GRID2: variants seen among roughly 807,000 people sequenced by gnomAD.
The protein encoded by GRID2 is glutamate receptor ionotropic, delta-2.
GRID2 carries 33 observed loss-of-function variants against 114.8 expected under a neutral mutation model. The ratio of observed to expected loss-of-function variants is 0.29; its 90% confidence interval spans 0.22 to 0.38. The LOEUF is 0.38. GRID2 is among the 10% of genes least tolerant of loss of function. The pLI, the probability that GRID2 is intolerant of heterozygous loss-of-function variation, is 1.00. For synonymous variants in GRID2, 505 were observed against 449.9 expected, an observed-to-expected ratio of 1.12 and a Z score of -1.55; for missense variants, 1,184 against 1,257.7, an observed-to-expected ratio of 0.94 and a Z score of 0.89.
At chr4:93,387,964 T>G (rs1764491284) in intron 8 of GRID2, among the ~76,000 whole-genome samples, 1 of 152,112 alleles carries the variant, frequency 6.6e-6, no homozygotes, top group Admixed American at 6.6e-5. Context: ...AATTATGTAT[T>G]TAATAAATGG....
chr4:92,805,954 A>C (rs1740389913), intron 2 of GRID2, among the ~76,000 whole-genome samples: 1 of 151,018 alleles, frequency 6.6e-6, no homozygotes, highest in Non-Finnish European at 1.5e-5. Context: ...CCCTACTATC[A>C]CCTTCCTGGC....
chr4:92,693,029 AAAAAG>A (rs1278125488), intron 2 of GRID2, among the ~76,000 whole-genome samples: 19 of 150,790 alleles, frequency 1.3e-4, no homozygotes, highest in Non-Finnish European at 2.5e-4. Context: ...TCAAAAAAAA[AAAAAG>A]AAAAGAAAAG....
At chr4:93,094,108 A>G (rs1731004957) in intron 3 of GRID2, among the ~76,000 whole-genome samples, 1 of 152,156 alleles carries the variant, frequency 6.6e-6, no homozygotes, top group African/African-American at 2.4e-5. Flanking sequence ...AGCGTTGAAG[A>G]ATGATTGTGT....
chr4:92,396,374 C>T (rs151145761), intron 1 of GRID2, among the ~76,000 whole-genome samples: 19 of 151,986 alleles, frequency 1.3e-4, no homozygotes, highest in African/African-American at 3.4e-4. Flanking sequence ...ATAAATTCAG[C>T]GAAACAAATG....
At chr4:92,456,501 G>A (rs543616177) in intron 1 of GRID2, among the ~76,000 whole-genome samples, 13 of 152,226 alleles carry the variant, frequency 8.5e-5, no homozygotes, top group African/African-American at 3.1e-4. Context: ...CAAACCTACA[G>A]TGTTGGTGTT....
chr4:92,591,144 A>C (rs1032655513), intron 2 of GRID2, among the ~76,000 whole-genome samples: 1 of 152,128 alleles, frequency 6.6e-6, no homozygotes, highest in South Asian at 2.1e-4. Flanking sequence ...TGATTAGGTC[A>C]TGAGGGCTCT....
At chr4:92,844,609 G>T (rs767252561) in intron 2 of GRID2, among the ~76,000 whole-genome samples, 7 of 150,572 alleles carry the variant, frequency 4.6e-5, no homozygotes, top group Non-Finnish European at 8.8e-5. Flanking sequence ...AGGATTGATT[G>T]TAGCCTTTCT....
chr4:93,344,151 G>A (rs145957068), intron 8 of GRID2, among the ~76,000 whole-genome samples: 22 of 152,134 alleles, frequency 1.4e-4, no homozygotes, highest in Admixed American at 1.4e-3. Flanking sequence ...ATAGGTAATA[G>A]GAAGGTTATA....
At chr4:93,090,264 C>G (rs1191217954) in intron 3 of GRID2, among the ~76,000 whole-genome samples, 1 of 152,076 alleles carries the variant, frequency 6.6e-6, no homozygotes, top group Non-Finnish European at 1.5e-5. Flanking sequence ...GGTCCTGGAC[C>G]CAGTCAGCTG....
chr4:92,982,819 A>G (rs1271216970), intron 2 of GRID2, among the ~76,000 whole-genome samples: 1 of 152,142 alleles, frequency 6.6e-6, no homozygotes, highest in East Asian at 1.9e-4. Context: ...GTTGCAGATT[A>G]TTTTAAGAAA....
At chr4:92,727,370 T>C (rs1736117604) in intron 2 of GRID2, among the ~76,000 whole-genome samples, 1 of 152,070 alleles carries the variant, frequency 6.6e-6, no homozygotes, top group East Asian at 1.9e-4. Flanking sequence ...AAAAGAATTC[T>C]CTAGGAATAG....
chr4:92,965,472 AAAAAAAAAAAAAAAAAAC>A (rs1462694402), intron 2 of GRID2, among the ~76,000 whole-genome samples: 7 of 55,148 alleles, frequency 1.3e-4, no homozygotes, highest in African/African-American at 1.8e-4. Context: ...AAAAAAAAAA[AAAAAAAAAAAAAAAAAAC>A]ACACAACATC....
At chr4:93,202,764 G>A (rs182853363) in intron 4 of GRID2, among the ~76,000 whole-genome samples, 1 of 152,070 alleles carries the variant, frequency 6.6e-6, no homozygotes, top group Admixed American at 6.5e-5. Flanking sequence ...ATTCTTTTTA[G>A]GTAAATTATT....
At chr4:92,338,355 TGAA>T (rs1167346275) in intron 1 of GRID2, among the ~76,000 whole-genome samples, 2 of 152,216 alleles carry the variant, frequency 1.3e-5, no homozygotes, top group African/African-American at 4.8e-5. Context: ...AGTTTTTCAA[TGAA>T]GAGTATTCAC....
In GRID2 at chr4:92,646,436, A is replaced by G. The variant is rs574594918; in HGVS notation, c.244+56150A>G. Among the ~76,000 whole-genome samples the G allele has an allele frequency of 3.9e-5, 6 of 152,330 alleles. No individual in the cohort carries two copies. The East Asian group carries it at 9.6e-4, about 24-fold the overall frequency. On this transcript the variant is annotated intron_variant, in intron 2 of 15. Coordinates refer to ENST00000282020, the MANE Select transcript of GRID2 (RefSeq NM_001510.4). Reference sequence around the variant, plus strand: ...TTCTAATACTGATAAACTTTTACCTATTAATATTTTTTCTTGTTCTTAACA... The same window carrying G: ...TTCTAATACTGATAAACTTTTACCTGTTAATATTTTTTCTTGTTCTTAACA...
At chr4:93,616,581 A>AATATTTATAAAATAAATATTTTATT (rs1228535152) in intron 13 of GRID2, among the ~76,000 whole-genome samples, 26 of 106,746 alleles carry the variant, frequency 2.4e-4, no homozygotes, top group South Asian at 1.1e-3. Flanking sequence ...TATTTTTATA[A>AATATTTATAAAATAAATATTTTATT]ATATTTATAA....
rs1475844752 is a variant in GRID2, at chr4:92,797,917, A to G, written c.244+207631A>G. On this transcript the variant is annotated intron_variant, in intron 2 of 15. Coordinates refer to ENST00000282020, the MANE Select transcript of GRID2 (RefSeq NM_001510.4). Reference sequence around the variant, plus strand: ...CTAAAGTAACAATCAAATGTAATACAGCAATTTAGGTTGAAAGTACAATAC... The same window carrying G: ...CTAAAGTAACAATCAAATGTAATACGGCAATTTAGGTTGAAAGTACAATAC... 2.6e-5 allele frequency among the ~76,000 whole-genome samples: 4 copies of G among 152,118 alleles called. No individual in the cohort carries two copies. In the South Asian group the frequency reaches 6.2e-4, roughly 24 times the overall value.
intron 1 of GRID2, among the ~76,000 whole-genome samples, chr4:93,792,039 G>A (rs529651723): frequency 6.6e-6 from 1 of 152,218 alleles, no homozygotes; most frequent in Admixed American, 6.5e-5. Flanking sequence ...AAAGGGTTGA[G>A]TGTAGATGGT....
At chr4:93,076,348 C>T (rs1159245043) in intron 2 of GRID2, among the ~76,000 whole-genome samples, 1 of 152,096 alleles carries the variant, frequency 6.6e-6, no homozygotes, top group Admixed American at 6.6e-5. Flanking sequence ...AAGAATTCTG[C>T]ATGCCATGCT....
Sources: allele counts gnomAD v4.1 joint callset (sites outside exome capture counted in the v4.1 genomes callset), GRCh38; gene constraint gnomAD v4.1.1; transcripts MANE v1.5; gene names NCBI Gene and HGNC (gene_info 2026-07-23, HGNC 2026-07-21).